Variants in PRICKLE2 observed in about 807,000 individuals in gnomAD.
PRICKLE2 encodes prickle planar cell polarity protein 2.
In PRICKLE2, 21 loss-of-function variants were observed where a neutral mutation model predicts 81.4. The ratio of observed to expected loss-of-function variants is 0.26; its 90% CI spans 0.18 to 0.37. PRICKLE2 has a LOEUF of 0.37. PRICKLE2 is among the 10% of genes least tolerant of loss of function. The pLI, the probability that PRICKLE2 is intolerant of heterozygous loss-of-function variation, is 1.00. For synonymous variants in PRICKLE2, 456 were observed against 421.5 expected (o/e 1.08, Z -1.00); for missense variants, 940 against 1,109.0 (o/e 0.85, Z 2.16).
intron 7 of PRICKLE2, among the ~76,000 whole-genome samples, chr3:64,105,474 A>T (rs545158927): frequency 6.6e-6 from 1 of 152,174 alleles, no homozygotes; most frequent in African/African-American, 2.4e-5. Flanking sequence ...CTTGGAAAAA[A>T]GCAACCACCC....
At chr3:64,137,944 A>G (rs899790088) in intron 7 of PRICKLE2, among the ~76,000 whole-genome samples, 5 of 152,104 alleles carry the variant, frequency 3.3e-5, no homozygotes, top group African/African-American at 1.2e-4. Flanking sequence ...TCCCTCCAAA[A>G]TATCTCCTCA....
At chr3:64,194,557 C>A (rs912714186) in intron 2 of PRICKLE2, among the ~76,000 whole-genome samples, 4 of 152,136 alleles carry the variant, frequency 2.6e-5, no homozygotes, top group African/African-American at 9.7e-5. Context: ...AGGACAGTCA[C>A]CACAGAAAAG....
At chr3:64,254,893 C>A (rs1299496160) in intron 2 of PRICKLE2, among the ~76,000 whole-genome samples, 4 of 152,180 alleles carry the variant, frequency 2.6e-5, no homozygotes, top group Non-Finnish European at 4.4e-5. Context: ...AACCTCTCAA[C>A]ACCATATTTG....
At chr3:64,195,007 C>T (rs1297679201) in intron 2 of PRICKLE2, among the ~76,000 whole-genome samples, 2 of 151,896 alleles carry the variant, frequency 1.3e-5, no homozygotes, top group Non-Finnish European at 2.9e-5. Context: ...GTACCACTGC[C>T]CTCCAGCCTG....
intron 7 of PRICKLE2, among the ~76,000 whole-genome samples, chr3:64,140,339 T>C (rs2077341177): frequency 6.6e-6 from 1 of 152,234 alleles, no homozygotes. Flanking sequence ...GGCGCTCATG[T>C]CATATTTGCT....
rs1054114396 is a variant in PRICKLE2 at position 64,224,930 on chromosome 3, C to T, written c.-61G>A. The T allele has an allele frequency of 4.1e-6, 4 of 985,050 alleles. No homozygotes were observed. The African/African-American group carries it at 5.3e-5, about 13-fold the overall frequency. 61.0% of individuals were successfully genotyped at this position (985,050 alleles called of 1,614,324 possible). A position where few individuals can be genotyped will look rare whatever the true frequency, so the allele number is the denominator to read the frequency against. ...CCCACCTCCAGGGAGGATGAAATGC[C>T]CAGTCTCGGAGGAAGCTTCTGCCAG... On this transcript the variant is annotated 5_prime_UTR_variant, in exon 1 of 8. Transcript: ENST00000638394.
Position 64,099,821 on chromosome 3 carries a change from T to C in PRICKLE2, c.1765A>G (p.Asn589Asp). The change falls in exon 8 of 8, where the codon AAC becomes GAC. Residue 589 changes from asparagine (N) to aspartate (D), a missense_variant. By Grantham distance (23) the Asn-to-Asp change is conservative. Transcript: ENST00000638394. This position sits in a 1 kb window ranked among gnomAD's most constrained non-coding sequence, Gnocchi z 4.3. The stretch of plus-strand genomic sequence containing the variant: ...ATGGACGAGTTAAGAGTGCCCATGT[T>C]GCTCAGCTTCTCAGACACATTCATT... ...SGMNVSEKLS[N>D]MGTLNSSMQF... 6.2e-7 allele frequency: 1 copy of C among 1,614,178 alleles called. No homozygotes were observed.
chr3:64,228,781 A>G (rs55851928), upstream of PRICKLE2, among the ~76,000 whole-genome samples: 6,914 of 152,256 alleles, frequency 0.045, 268 homozygotes, highest in Non-Finnish European at 0.067. Context: ...TTGTCAGGAG[A>G]CAAGGATGCA....
rs531844854 is a variant in PRICKLE2, at chr3:64,099,797, T to C, written c.1789A>G (p.Met597Val). The C allele has an allele frequency of 1.9e-6, 3 of 1,614,212 alleles. No individual in the cohort carries two copies. The highest frequency in any genetic ancestry group is 1.3e-5 in the African/African-American group (1 of 75,062). The change falls in exon 8 of 8, where the codon ATG becomes GTG. Residue 597 changes from methionine to valine, a missense_variant. Met to Val is a conservative substitution (Grantham distance 21, BLOSUM62 1). Around this residue, in one of 2 missense-constraint regions of PRICKLE2, gnomAD observed 670 missense variants for 717.2 expected, o/e 0.93. Transcript: ENST00000638394. The surrounding 1 kb of genome is among the most constrained non-coding windows in gnomAD (Gnocchi z 4.3). ...ACTGACTCTGCGCTCCGGAACTGCA[T>C]GGACGAGTTAAGAGTGCCCATGTTG... ...LSNMGTLNSS[M>V]QFRSAESVRS...
At position 64,147,077 on chromosome 3, in the gene PRICKLE2, G is replaced by A. The variant is rs771425247; in HGVS notation, c.1413C>T (p.Asp471=). 6.8e-6 allele frequency: 11 copies of A among 1,614,050 alleles called. No individual in the cohort carries two copies. In the African/African-American group the frequency reaches 1.5e-4, roughly 22 times the overall value. ...GAGATCTCAGCCTCCCCGGGTAATA[G>A]TCTTCTCGGCATTCCTTGATGAAGC... ...AGSFIKECRE[D]YYPGRLRSQE... Residue 471 remains aspartate (D), a synonymous_variant, in exon 7 of 8, where the codon GAC becomes GAT. Coordinates refer to ENST00000638394, the MANE Select transcript of PRICKLE2 (RefSeq NM_198859.4). The surrounding 1 kb of genome is among the most constrained non-coding windows in gnomAD (Gnocchi z 5.0).
At chr3:64,143,225 C>T (rs1283112981) in intron 7 of PRICKLE2, among the ~76,000 whole-genome samples, 1 of 152,184 alleles carries the variant, frequency 6.6e-6, no homozygotes. Flanking sequence ...GTGTCTAGTG[C>T]AACTAATGGC....
At chr3:64,264,410 A>G (rs1020346634) in intron 2 of PRICKLE2, among the ~76,000 whole-genome samples, 1 of 152,164 alleles carries the variant, frequency 6.6e-6, no homozygotes, top group Admixed American at 6.5e-5. Flanking sequence ...TATGAAATAG[A>G]CTCCCTGAAG....
intron 2 of PRICKLE2, among the ~76,000 whole-genome samples, chr3:64,233,452 C>A (rs942058116): frequency 6.6e-6 from 1 of 152,242 alleles, no homozygotes; most frequent in African/African-American, 2.4e-5. Flanking sequence ...CTTCCTGTCA[C>A]ATGAACACTG....
intron 7 of PRICKLE2, among the ~76,000 whole-genome samples, chr3:64,115,896 C>T (rs1368783778): frequency 1.3e-5 from 2 of 152,162 alleles, no homozygotes; most frequent in East Asian, 3.9e-4. Context: ...AATACACATT[C>T]TTCTCATCAC....
Position 64,099,602 on chromosome 3 carries a change from T to A in PRICKLE2, c.1984A>T (p.Ile662Phe). 6.2e-7 allele frequency: 1 copy of A among 1,613,898 alleles called. No homozygotes were observed. The highest frequency in any genetic ancestry group is 8.5e-7 in the Non-Finnish European group (1 of 1,180,022). ...CGGGTGCGTTCACTCATGGGCTGGA[T>A]CCTCACGCCCTCCTGCCCTGGCAGC... is the stretch of plus-strand genomic sequence containing the variant. ...SKLPGQEGVR[I>F]QPMSERTRRR... Residue 662 changes from isoleucine (I) to phenylalanine (F), a missense_variant, in exon 8 of 8, where the codon ATC (isoleucine) becomes TTC (phenylalanine). Physicochemically the swap from Ile to Phe is conservative, Grantham distance 21. Around this residue, in one of 2 missense-constraint regions of PRICKLE2, gnomAD observed 670 missense variants for 717.2 expected, o/e 0.93. Coordinates refer to ENST00000638394, the MANE Select transcript of PRICKLE2 (RefSeq NM_198859.4). The surrounding 1 kb of genome is among the most constrained non-coding windows in gnomAD (Gnocchi z 4.3).
In PRICKLE2 at chr3:64,116,009, G is replaced by C. The variant is rs143185954; in HGVS notation, c.1661-16084C>G. Among the ~76,000 whole-genome samples, 374 of 152,206 alleles carry C rather than the reference G, an allele frequency of 2.5e-3. 6 individuals are homozygous for C. The East Asian group carries it at 0.025, about 10-fold the overall frequency. On this transcript the variant is annotated intron_variant, in intron 7 of 7. Transcript: ENST00000638394. ...ATAACAAACAATCTCTCAGACCACA[G>C]CACAATCAAATTAGAAATCAAGACT...
chr3:64,243,080 A>G (rs144482952), intron 2 of PRICKLE2, among the ~76,000 whole-genome samples: 1 of 152,328 alleles, frequency 6.6e-6, no homozygotes, highest in Non-Finnish European at 1.5e-5. Flanking sequence ...TGGCTTTTAA[A>G]TACAACCATG....
At chr3:64,220,238 T>A (rs371590097) in intron 1 of PRICKLE2, among the ~76,000 whole-genome samples, 5 of 152,190 alleles carry the variant, frequency 3.3e-5, no homozygotes, top group Non-Finnish European at 5.9e-5. Context: ...AAAATTGGCA[T>A]CTTGCCCAGT....
intron 2 of PRICKLE2, among the ~76,000 whole-genome samples, chr3:64,255,943 G>A (rs899106136): frequency 3.3e-5 from 5 of 152,226 alleles, no homozygotes; most frequent in East Asian, 3.9e-4. Flanking sequence ...ACTATGGAGC[G>A]ACTCTGAGGA....
Sources: gnomAD v4.1 joint callset for allele counts (sites outside exome capture counted in the v4.1 genomes callset) on GRCh38, gnomAD v4.1.1 for gene constraint, gnomAD v4.1.1 regional missense constraint, Gnocchi (gnomAD v3.1) non-coding constraint, MANE v1.5 for transcripts, NCBI Gene and HGNC (gene_info 2026-07-23, HGNC 2026-07-21) for gene names.